The following CUL2 variants were observed in gnomAD, a reference collection of about 807,000 sequenced individuals.
CUL2 encodes the protein cullin 2.
CUL2 carries 22 observed loss-of-function variants against 110.2 expected under a neutral mutation model. The observed-to-expected ratio is 0.20, with a 90% CI of 0.14 to 0.28. The LOEUF (loss-of-function observed/expected upper bound fraction) is 0.28, where lower values mean the gene tolerates loss of function less well. Among genes scored for constraint, CUL2 ranks in the 10% least tolerant of loss-of-function variants. The pLI is 1.00. For missense variants in CUL2, 631 were observed against 905.5 expected (o/e 0.70, Z 3.89); for synonymous variants, 279 against 293.2 (o/e 0.95, Z 0.49).
chr10:35,121,328 A>G lies in CUL2; in HGVS notation c.-51+5277T>C, dbSNP rs961554990. On this transcript the variant is annotated intron_variant, in intron 1 of 5. Coordinates refer to the CUL2 transcript ENST00000685421. ...CTGCAACCCCCGCCTCACAGGCTCA[A>G]TTGATTCTCCTGCCTCAGCCTCCCA... Among the ~76,000 whole-genome samples, 3 of 152,288 alleles carry G rather than the reference A, an allele frequency of 2.0e-5. No individual in the cohort carries two copies. The East Asian group carries it at 5.8e-4, about 29-fold the overall frequency.
At chr10:35,033,997 A>C (rs1360333833) in intron 10 of CUL2, among the ~76,000 whole-genome samples, 1 of 152,210 alleles carries the variant, frequency 6.6e-6, no homozygotes, top group Non-Finnish European at 1.5e-5. Context: ...TTAAAAAGCC[A>C]ATAATCCTGA....
chr10:35,109,949 G>A (rs148858353), intron 1 of CUL2, among the ~76,000 whole-genome samples: 1 of 152,274 alleles, frequency 6.6e-6, no homozygotes, highest in African/African-American at 2.4e-5. Flanking sequence ...TGAGGCAGGA[G>A]GATTGCTTCA....
chr10:35,057,562 A>G (rs1161723284), intron 4 of CUL2, among the ~76,000 whole-genome samples: 1 of 150,912 alleles, frequency 6.6e-6, no homozygotes, highest in Non-Finnish European at 1.5e-5. Context: ...CTGAGGCAGG[A>G]GAATCACTTG....
At chr10:35,085,468 C>T (rs1327004127) in intron 1 of CUL2, among the ~76,000 whole-genome samples, 15 of 145,474 alleles carry the variant, frequency 1.0e-4, no homozygotes, top group African/African-American at 3.6e-4. Flanking sequence ...TAGGGCCAGG[C>T]GCGGTGTGGC....
At chr10:35,041,683 T>A (rs2085793101) in intron 8 of CUL2, among the ~76,000 whole-genome samples, 1 of 152,140 alleles carries the variant, frequency 6.6e-6, no homozygotes, top group African/African-American at 2.4e-5. Flanking sequence ...ACCAGACGAC[T>A]ACACCACCAT....
intron 9 of CUL2, among the ~76,000 whole-genome samples, chr10:35,038,469 C>T (rs1199992935): frequency 2.5e-5 from 3 of 117,992 alleles, no homozygotes; most frequent in South Asian, 2.6e-4. Flanking sequence ...GAGGTTGCAG[C>T]GAGCCAAGAG....
chr10:35,074,067 G>A (rs1165801059), intron 1 of CUL2: 1 of 918,220 alleles, frequency 1.1e-6, no homozygotes, highest in East Asian at 2.6e-5. Flanking sequence ...AACATGCTTG[G>A]TGAATACTTA....
chr10:35,102,718 A>G (rs965929954), intron 1 of CUL2, among the ~76,000 whole-genome samples: 2 of 152,062 alleles, frequency 1.3e-5, no homozygotes, highest in African/African-American at 4.8e-5. Context: ...CCTTGTCTCT[A>G]CTAAAAATGC....
intron 2 of CUL2, among the ~76,000 whole-genome samples, chr10:35,095,705 C>T (rs2087287392): frequency 1.3e-5 from 2 of 152,080 alleles, no homozygotes; most frequent in Admixed American, 1.3e-4. Context: ...ACTACAGGCA[C>T]ATGCCAATAC....
intron 8 of CUL2, among the ~76,000 whole-genome samples, chr10:35,039,974 G>A (rs914048555): frequency 6.6e-6 from 1 of 152,148 alleles, no homozygotes; most frequent in Non-Finnish European, 1.5e-5. Flanking sequence ...CCAACATGGT[G>A]AAACCCCGTC....
At chr10:35,095,531 T>A (rs902186992), upstream of CUL2, among the ~76,000 whole-genome samples, 7 of 152,142 alleles carry the variant, frequency 4.6e-5, no homozygotes, top group Non-Finnish European at 8.8e-5. Context: ...TTGATCTTTA[T>A]GAAAATGCAA....
At chr10:35,072,942 A>G (rs1488769348) in intron 1 of CUL2, among the ~76,000 whole-genome samples, 1 of 152,130 alleles carries the variant, frequency 6.6e-6, no homozygotes, top group Non-Finnish European at 1.5e-5. Context: ...GGGAAAGGGG[A>G]GGCAGAGAAT....
chr10:35,108,052 G>T (rs1276722320), intron 1 of CUL2, among the ~76,000 whole-genome samples: 5 of 152,098 alleles, frequency 3.3e-5, no homozygotes, highest in Admixed American at 2.6e-4. Context: ...AGGTTTTCAT[G>T]TTGGAAAAAT....
upstream of CUL2, among the ~76,000 whole-genome samples, chr10:35,094,058 C>T: frequency 6.6e-6 from 1 of 151,906 alleles, no homozygotes; most frequent in African/African-American, 2.4e-5. Context: ...CTGAGGCCTC[C>T]CTAGACACTG....
chr10:35,069,196 T>G (rs1679163922), intron 2 of CUL2, among the ~76,000 whole-genome samples: 1 of 152,052 alleles, frequency 6.6e-6, no homozygotes, highest in Non-Finnish European at 1.5e-5. Context: ...TTTTGCAGAC[T>G]TTTTATTTTG....
chr10:35,027,356 G>A (rs1181347742), intron 16 of CUL2, among the ~76,000 whole-genome samples: 2 of 151,984 alleles, frequency 1.3e-5, no homozygotes, highest in East Asian at 3.9e-4. Flanking sequence ...GTGTTAGCCA[G>A]GATGGTCTCA....
chr10:35,042,818 A>G (rs1222686884), intron 8 of CUL2, among the ~76,000 whole-genome samples: 1 of 152,144 alleles, frequency 6.6e-6, no homozygotes, highest in Non-Finnish European at 1.5e-5. Flanking sequence ...GAACCCAAAC[A>G]GTGTACTGTA....
intron 14 of CUL2, among the ~76,000 whole-genome samples, chr10:35,030,058 G>A (rs531037228): frequency 6.6e-6 from 1 of 152,302 alleles, no homozygotes; most frequent in East Asian, 1.9e-4. Flanking sequence ...AGCCATCATG[G>A]TGCACTACAA....
chr10:35,123,120 A>T (rs2087697698), intron 1 of CUL2, among the ~76,000 whole-genome samples: 1 of 151,696 alleles, frequency 6.6e-6, no homozygotes, highest in South Asian at 2.1e-4. Flanking sequence ...CCAGGGTGAC[A>T]GAGTGAGATC....
Sources: gnomAD v4.1 joint callset for allele counts (sites outside exome capture counted in the v4.1 genomes callset) on GRCh38, gnomAD v4.1.1 for gene constraint, MANE v1.5 for transcripts, NCBI Gene and HGNC (gene_info 2026-07-23, HGNC 2026-07-21) for gene names.